CAMK2G: variants seen among roughly 807,000 people sequenced by gnomAD.
The protein encoded by CAMK2G is calcium/calmodulin-dependent protein kinase type II subunit gamma.
A neutral mutation model predicts 88.7 loss-of-function variants in CAMK2G; 23 were observed. The observed-to-expected ratio is 0.26, with a 90% confidence interval of 0.19 to 0.37. CAMK2G has a LOEUF of 0.37. CAMK2G is among the 10% of genes least tolerant of loss of function. CAMK2G has a pLI of 1.00. For missense variants in CAMK2G, 476 were observed against 780.8 expected (o/e 0.61, Z 4.65); for synonymous variants, 263 against 294.8 (o/e 0.89, Z 1.11).
At chr10:73,832,240 T>C (rs1053686424) in intron 14 of CAMK2G, among the ~76,000 whole-genome samples, 2 of 152,292 alleles carry the variant, frequency 1.3e-5, no homozygotes, top group African/African-American at 4.8e-5. Context: ...TATCCACATA[T>C]TATATACTGA....
chr10:73,853,532 G>C (rs1388467133), intron 3 of CAMK2G, among the ~76,000 whole-genome samples: 1 of 152,240 alleles, frequency 6.6e-6, no homozygotes, highest in East Asian at 1.9e-4. Context: ...CCAGAGGGCT[G>C]GTCTCCGAGA....
At chr10:73,847,467 C>T (rs2094327508) in intron 9 of CAMK2G, 120 bp from the exon 10 acceptor site, 2 of 1,096,946 alleles carry the variant, frequency 1.8e-6, no homozygotes, top group African/African-American at 3.1e-5. Context: ...AAAGCTGTGA[C>T]TGGCAGAGTT....
At chr10:73,815,836 C>T (rs189923060) in intron 21 of CAMK2G, 2 of 985,520 alleles carry the variant, frequency 2.0e-6, no homozygotes, top group East Asian at 2.3e-4. Flanking sequence ...GGGGAAAAGG[C>T]AAAAGAAGTT....
chr10:73,860,872 G>A lies in CAMK2G; in HGVS notation c.178C>T (p.Arg60Cys). Reference sequence around the variant, plus strand: ...AGAAGTCGACATATCCGAGCCTCACGTTCTAGTTTCTGGTGATCTAAAAGC... The same window carrying A: ...AGAAGTCGACATATCCGAGCCTCACATTCTAGTTTCTGGTGATCTAAAAGC... ...LSARDHQKLE[R>C]EARICRLLKH... Residue 60 changes from arginine (R) to cysteine (C), a missense_variant, in exon 3 of 23, where the codon CGT becomes TGT. Physicochemically the swap from Arg to Cys is radical, Grantham distance 180 (BLOSUM62 -3). Coordinates refer to ENST00000423381, the MANE Select transcript of CAMK2G (RefSeq NM_001367534.1). 3.7e-6 allele frequency: 6 copies of A among 1,613,560 alleles called. No homozygotes were observed. Among genetic ancestry groups the A allele is most frequent in the South Asian group, 1.1e-5 (1 of 91,062 alleles).
At chr10:73,817,732 C>T (rs1565156700) in intron 19 of CAMK2G, 178 bp from the exon 20 acceptor site, 2 of 605,842 alleles carry the variant, frequency 3.3e-6, no homozygotes, top group Non-Finnish European at 5.9e-6. Context: ...TCCCTCTCTG[C>T]AGTCTGCAGA....
In CAMK2G at chr10:73,812,737, G is replaced by A. The variant is rs2132933148; in HGVS notation, c.*1781C>T. On this transcript the variant is annotated 3_prime_UTR_variant, in exon 23 of 23. Transcript: ENST00000423381. ...AAGAGGAGTAAGAATGCTAAGAAGT[G>A]GGGCTGGAGCAGCCATATGAAGCTA... is the stretch of plus-strand genomic sequence containing the variant. The A allele has an allele frequency of 6.5e-6, 1 of 152,802 alleles. No individual in the cohort carries two copies. The highest frequency in any genetic ancestry group is 2.1e-4 in the South Asian group (1 of 4,832). 9.5% of individuals were successfully genotyped at this position (152,802 alleles called of 1,614,324 possible). A position where few individuals can be genotyped will look rare whatever the true frequency, so the allele number is the denominator to read the frequency against.
rs1283040017 is a variant in CAMK2G, at chr10:73,837,598, CTG to C, written c.1010-89_1010-88del. ...CGGCAGCCAGATCCACAAGAGAGTG[CTG>C]TGTCTGACAAGGGGGCCAAGGGTCT... On this transcript the variant is annotated intron_variant, in intron 13 of 22. Transcript: ENST00000423381. 18 of 1,073,002 alleles carry C rather than the reference CTG, an allele frequency of 1.7e-5. No homozygotes were observed. The Admixed American group carries it at 2.7e-4, about 16-fold the overall frequency. 66.5% of individuals were successfully genotyped at this position (1,073,002 alleles called of 1,614,324 possible). A position where few individuals can be genotyped will look rare whatever the true frequency, so the allele number is the denominator to read the frequency against.
intron 17 of CAMK2G, among the ~76,000 whole-genome samples, chr10:73,823,731 G>C (rs2089957773): frequency 6.6e-6 from 1 of 152,192 alleles, no homozygotes; most frequent in South Asian, 2.1e-4. Context: ...TATTTTTTCA[G>C]TGAACGTTTA....
intron 2 of CAMK2G, among the ~76,000 whole-genome samples, chr10:73,865,378 C>T (rs769379517): frequency 2.6e-5 from 4 of 152,212 alleles, no homozygotes; most frequent in African/African-American, 7.2e-5. Context: ...GCAGCCGTGG[C>T]ACCCTGCCAT....
At position 73,828,200 on chromosome 10, in the gene CAMK2G, C is replaced by T. The variant is rs781588439; in HGVS notation, c.1054-79G>A. On this transcript the variant is annotated intron_variant, in intron 14 of 22. Coordinates refer to ENST00000423381, the MANE Select transcript of CAMK2G (RefSeq NM_001367534.1). ...GAAGCACAGAGACGCTGCAGGTTAG[C>T]GCACCAGTGTGGGCTCTGCATCAGG... 2.3e-5 allele frequency: 27 copies of T among 1,198,104 alleles called. No individual in the cohort carries two copies. In the Middle Eastern group the frequency reaches 5.7e-4, roughly 25 times the overall value. 74.2% of individuals were successfully genotyped at this position (1,198,104 alleles called of 1,614,324 possible). A position where few individuals can be genotyped will look rare whatever the true frequency, so the allele number is the denominator to read the frequency against.
chr10:73,872,163 G>A (rs978112695), intron 2 of CAMK2G, among the ~76,000 whole-genome samples: 1 of 152,190 alleles, frequency 6.6e-6, no homozygotes, highest in African/African-American at 2.4e-5. Context: ...TATCAGATGA[G>A]GTGAGTTTGG....
At chr10:73,822,527 G>A (rs1223064034) in intron 17 of CAMK2G, among the ~76,000 whole-genome samples, 1 of 152,134 alleles carries the variant, frequency 6.6e-6, no homozygotes, top group Non-Finnish European at 1.5e-5. Flanking sequence ...ACTAGATTCT[G>A]TTACTCCTGC....
In CAMK2G at chr10:73,842,372, G is replaced by A. The variant is rs916615898; in HGVS notation, c.903+86C>T. Reference sequence around the variant, plus strand: ...TTCAGAGCCCAGCTCCAGCCAGGAGGGGAGCTTCCTTCTGAAATGGGGCAG... The same window carrying A: ...TTCAGAGCCCAGCTCCAGCCAGGAGAGGAGCTTCCTTCTGAAATGGGGCAG... On this transcript the variant is annotated intron_variant, in intron 11 of 22. Transcript: ENST00000423381. The surrounding 1 kb of genome is among the most constrained non-coding windows in gnomAD (Gnocchi z 4.6). The A allele has an allele frequency of 1.4e-5, 17 of 1,204,200 alleles. No individual in the cohort carries two copies. Among genetic ancestry groups the A allele is most frequent in the Non-Finnish European group, 1.9e-5 (15 of 807,034 alleles). 74.6% of individuals were successfully genotyped at this position (1,204,200 alleles called of 1,614,324 possible).
chr10:73,816,223 C>T (rs1021711811), intron 21 of CAMK2G: 11 of 986,680 alleles, frequency 1.1e-5, no homozygotes, highest in South Asian at 4.7e-5. Flanking sequence ...CCAGAATGTA[C>T]ACCCCACCCC....
intron 18 of CAMK2G, 103 bp from the exon 19 acceptor site, chr10:73,819,748 G>A (rs1318682778): frequency 5.6e-6 from 4 of 708,918 alleles, no homozygotes; most frequent in African/African-American, 3.6e-5. Context: ...AGCCCATGGC[G>A]CTGCAGAGCC....
At chr10:73,860,770 A>G (rs953196586) in intron 3 of CAMK2G, 60 bp downstream of exon 3, 5 of 1,207,224 alleles carry the variant, frequency 4.1e-6, no homozygotes, top group Non-Finnish European at 6.2e-6. Flanking sequence ...AAAGCAGTGG[A>G]TATCTGTTAT....
intron 3 of CAMK2G, among the ~76,000 whole-genome samples, chr10:73,859,601 G>A (rs150106569): frequency 6.6e-6 from 1 of 152,270 alleles, no homozygotes; most frequent in East Asian, 1.9e-4. Flanking sequence ...GTAGTTCTGC[G>A]GCCAGGAACC....
chr10:73,829,700 G>GGTGTGTGTGTGTGTGTGTGTGTGTGT (rs60725888), intron 14 of CAMK2G, among the ~76,000 whole-genome samples: 94 of 138,408 alleles, frequency 6.8e-4, no homozygotes, highest in African/African-American at 2.1e-3. Flanking sequence ...TAAGTAGTGG[G>GGTGTGTGTGTGTGTGTGTGTGTGTGT]GTGTGTGTGT....
At chr10:73,858,731 G>GT (rs2095222482) in intron 3 of CAMK2G, among the ~76,000 whole-genome samples, 1 of 152,232 alleles carries the variant, frequency 6.6e-6, no homozygotes, top group African/African-American at 2.4e-5. Flanking sequence ...AGGGCAGATG[G>GT]TAAAAGTAAA....
Sources: gnomAD v4.1 joint callset for allele counts (sites outside exome capture counted in the v4.1 genomes callset) on GRCh38, gnomAD v4.1.1 for gene constraint, Gnocchi (gnomAD v3.1) non-coding constraint, MANE v1.5 for transcripts, NCBI Gene and HGNC (gene_info 2026-07-23, HGNC 2026-07-21) for gene names.